Variants in UNC13C observed in about 807,000 individuals in gnomAD.
UNC13C encodes unc-13 homolog C.
A neutral mutation model predicts 245.4 loss-of-function variants in UNC13C; 174 were observed. The ratio of observed to expected loss-of-function variants is 0.71; its 90% CI spans 0.63 to 0.80. The LOEUF (loss-of-function observed/expected upper bound fraction) is 0.80. Ranked by LOEUF, UNC13C falls within the 30% of genes least tolerant of loss-of-function variation. The pLI is 0.00. For synonymous variants in UNC13C, 992 were observed against 895.1 expected (o/e 1.11, Z -1.93); for missense variants, 2,829 against 2,602.9 (o/e 1.09, Z -1.89).
chr15:53,940,780 A>C, the UNC13C span, among the ~76,000 whole-genome samples: 1 of 152,200 alleles, frequency 6.6e-6, no homozygotes, highest in Admixed American at 6.5e-5. Flanking sequence ...GGTCCTATTC[A>C]AGAAGAACTA....
intron 4 of UNC13C, among the ~76,000 whole-genome samples, chr15:54,182,791 C>A (rs1011014895): frequency 4.6e-5 from 7 of 151,714 alleles, no homozygotes; most frequent in African/African-American, 1.7e-4. Context: ...AAGCATGGAA[C>A]TTTAGGAAAG....
At chr15:54,066,642 G>A (rs984241878) in intron 2 of UNC13C, among the ~76,000 whole-genome samples, 5 of 152,158 alleles carry the variant, frequency 3.3e-5, no homozygotes, top group African/African-American at 9.7e-5. Flanking sequence ...CAGAGGTCAC[G>A]TGTTATGCCT....
In UNC13C at chr15:54,048,582, T is replaced by C. The variant is rs142296221; in HGVS notation, c.2983+32696T>C. ...TATAGAATTGATGTACTGAAACTTA[T>C]CAATTTCGCCAATTGCTGCATAGCC... On this transcript the variant is annotated intron_variant, in intron 2 of 32. Transcript: ENST00000260323. 8.6e-4 allele frequency: 346 copies of C among 402,398 alleles called. 5 individuals carry two copies. The highest frequency in any genetic ancestry group is 6.7e-3 in the African/African-American group (312 of 46,892). 24.9% of individuals were successfully genotyped at this position (402,398 alleles called of 1,614,324 possible). A position where few individuals can be genotyped will look rare whatever the true frequency, so the allele number is the denominator to read the frequency against.
At chr15:54,230,020 T>C (rs2035505439) in intron 4 of UNC13C, among the ~76,000 whole-genome samples, 1 of 147,420 alleles carries the variant, frequency 6.8e-6, no homozygotes. Context: ...ATTAATCCAC[T>C]GATAGACACT....
chr15:54,417,163 A>G (rs1172027799), intron 19 of UNC13C: 2 of 349,680 alleles, frequency 5.7e-6, no homozygotes, highest in East Asian at 7.7e-5. Flanking sequence ...ACTTTTACCA[A>G]CATATCTACA....
At chr15:54,445,967 G>A (rs1475302179) in intron 19 of UNC13C, among the ~76,000 whole-genome samples, 1 of 152,230 alleles carries the variant, frequency 6.6e-6, no homozygotes, top group African/African-American at 2.4e-5. Context: ...ATTAATTTTT[G>A]TATAAGGTGT....
intron 2 of UNC13C, among the ~76,000 whole-genome samples, chr15:54,047,381 GC>G (rs1897083651): frequency 6.6e-6 from 1 of 151,908 alleles, no homozygotes; most frequent in South Asian, 2.1e-4. Flanking sequence ...CCAAGCAGAA[GC>G]TATGTACCCG....
intron 4 of UNC13C, among the ~76,000 whole-genome samples, chr15:54,147,090 G>A (rs1897066): frequency 0.98 from 149,903 of 152,282 alleles, 73,836 homozygotes; most frequent in Middle Eastern, 1. Context: ...TGCTGCACCC[G>A]GTGAATGACA....
chr15:54,407,352 G>A (rs2040315609), intron 18 of UNC13C, among the ~76,000 whole-genome samples: 1 of 152,092 alleles, frequency 6.6e-6, no homozygotes, highest in African/African-American at 2.4e-5. Flanking sequence ...GAAAGGAGGG[G>A]ACACTGTGGA....
At chr15:54,238,390 C>T (rs1242859011) in intron 7 of UNC13C, among the ~76,000 whole-genome samples, 1 of 151,980 alleles carries the variant, frequency 6.6e-6, no homozygotes, top group Non-Finnish European at 1.5e-5. Flanking sequence ...AGCATTTATT[C>T]ATAACCTCCA....
At chr15:54,428,079 T>G (rs1265803336) in intron 19 of UNC13C, among the ~76,000 whole-genome samples, 3 of 151,856 alleles carry the variant, frequency 2.0e-5, no homozygotes, top group African/African-American at 7.2e-5. Flanking sequence ...TATTTCAAGG[T>G]TGAAAATAAA....
chr15:53,933,199 C>T, the UNC13C span, among the ~76,000 whole-genome samples: 2 of 152,150 alleles, frequency 1.3e-5, no homozygotes, highest in African/African-American at 4.8e-5. Context: ...CTCTAACCTA[C>T]ACTCTATGCT....
intron 1 of UNC13C, among the ~76,000 whole-genome samples, chr15:53,998,723 C>T (rs1471187525): frequency 6.6e-6 from 1 of 152,018 alleles, no homozygotes; most frequent in Non-Finnish European, 1.5e-5. Context: ...ATTTTGCCTT[C>T]AATTATAAGC....
intron 4 of UNC13C, among the ~76,000 whole-genome samples, chr15:54,189,645 G>A (rs1175928671): frequency 6.6e-6 from 1 of 152,062 alleles, no homozygotes; most frequent in Non-Finnish European, 1.5e-5. Context: ...ATTTTTTAAT[G>A]CAACACAAAT....
intron 17 of UNC13C, among the ~76,000 whole-genome samples, chr15:54,340,907 C>T (rs2038712748): frequency 6.6e-6 from 1 of 152,050 alleles, no homozygotes; most frequent in Non-Finnish European, 1.5e-5. Flanking sequence ...ATTGATTCTA[C>T]ACATCCATAA....
chr15:54,581,255 G>C (rs765184037), intron 30 of UNC13C, among the ~76,000 whole-genome samples: 3 of 152,158 alleles, frequency 2.0e-5, no homozygotes, highest in Non-Finnish European at 4.4e-5. Context: ...ATGTCAGAAA[G>C]ACACAGAGAT....
intron 13 of UNC13C, 57 bp downstream of exon 13, chr15:54,300,430 A>AGTG: frequency 6.9e-7 from 1 of 1,456,850 alleles, no homozygotes; most frequent in Non-Finnish European, 9.2e-7. Flanking sequence ...TAAAGAAAGA[A>AGTG]AGGAGCGTTC....
At chr15:54,153,604 C>T (rs7175388) in intron 4 of UNC13C, among the ~76,000 whole-genome samples, 9,968 of 152,044 alleles carry the variant, frequency 0.066, 646 homozygotes, top group African/African-American at 0.17. Flanking sequence ...CAATAATGCT[C>T]ATTTCTGGAT....
chr15:54,560,392 A>G (rs1198871866), intron 29 of UNC13C, among the ~76,000 whole-genome samples: 3 of 152,086 alleles, frequency 2.0e-5, no homozygotes, highest in East Asian at 3.9e-4. Flanking sequence ...ATAGCTTGCC[A>G]AGCATGCAGG....
Sources: allele counts gnomAD v4.1 joint callset (sites outside exome capture counted in the v4.1 genomes callset), GRCh38; gene constraint gnomAD v4.1.1; transcripts MANE v1.5; gene names NCBI Gene and HGNC (gene_info 2026-07-23, HGNC 2026-07-21).